Variants in PCDHGA10 observed in about 807,000 individuals in gnomAD.
PCDHGA10 encodes protocadherin gamma-A10.
Under a neutral mutation model 59.5 loss-of-function variants are expected in PCDHGA10, and 42 were observed. The ratio of observed to expected loss-of-function variants is 0.71; its 90% CI spans 0.55 to 0.91. The LOEUF (loss-of-function observed/expected upper bound fraction) is 0.91. Ranked by LOEUF, PCDHGA10 falls within the 40% of genes least tolerant of loss-of-function variation. The probability of loss-of-function intolerance (pLI) is 0.00; values close to 1 mark genes in which losing one functional copy is unlikely to be tolerated. For missense variants in PCDHGA10, 1,111 were observed against 1,198.2 expected, an observed-to-expected ratio of 0.93 and a Z score of 1.07; for synonymous variants, 511 against 517.2, an observed-to-expected ratio of 0.99 and a Z score of 0.16.
intron 1 of PCDHGA10, chr5:141,442,419 T>TG (rs1214499832): frequency 1.3e-5 from 2 of 152,192 alleles, no homozygotes; most frequent in African/African-American, 4.8e-5. Context: ...AGTGAACTTC[T>TG]TTTTTGAATC....
intron 2 of PCDHGA10, among the ~76,000 whole-genome samples, chr5:141,498,404 C>T (rs1283586713): frequency 6.6e-6 from 1 of 152,104 alleles, no homozygotes; most frequent in African/African-American, 2.4e-5. Context: ...AGGGAGTTTT[C>T]TCTTTGCTGG....
chr5:141,478,394 G>T (rs2099453142), intron 1 of PCDHGA10: 4 of 1,613,586 alleles, frequency 2.5e-6, no homozygotes, highest in Non-Finnish European at 3.4e-6. Flanking sequence ...TTACCATCAG[G>T]TGTATCTCAC....
chr5:141,415,755 T>C (rs753465209), intron 1 of PCDHGA10, 144 bp downstream of exon 1: 19 of 1,387,632 alleles, frequency 1.4e-5, no homozygotes, highest in Middle Eastern at 2.6e-4. Flanking sequence ...TTTTTTTTTT[T>C]TTTTTTTTTT....
chr5:141,486,725 C>A lies in PCDHGA10; in HGVS notation c.2437-8082C>A. 1 of 1,614,182 alleles carries A rather than the reference C, an allele frequency of 6.2e-7. No individual in the cohort carries two copies. The highest frequency in any genetic ancestry group is 1.1e-5 in the South Asian group (1 of 91,076). On this transcript the variant is annotated intron_variant, in intron 1 of 3. Transcript: ENST00000398610. The surrounding 1 kb of genome is among the most constrained non-coding windows in gnomAD (Gnocchi z 5.0). ...TCTGAACCCCCAGACAGGAGCTGTT[C>A]ATGCTACTCGATCCTTTGACTATGA...
chr5:141,472,770 G>C (rs953423129), intron 1 of PCDHGA10, among the ~76,000 whole-genome samples: 5 of 152,046 alleles, frequency 3.3e-5, no homozygotes, highest in Admixed American at 6.6e-5. Flanking sequence ...CAGATCACCT[G>C]AGGTTGGGAG....
intron 1 of PCDHGA10, among the ~76,000 whole-genome samples, chr5:141,444,152 ATTTTTTTTTTTTTTTT>A (rs747671382): frequency 6.3e-3 from 214 of 33,896 alleles, no homozygotes; most frequent in African/African-American, 0.023. Flanking sequence ...TGTGTACTGG[ATTTTTTTTTTTTTTTT>A]TTTTTTTTTT....
At chr5:141,499,287 C>T (rs896428388) in intron 2 of PCDHGA10, among the ~76,000 whole-genome samples, 3 of 152,184 alleles carry the variant, frequency 2.0e-5, no homozygotes, top group Non-Finnish European at 2.9e-5. Context: ...CTGATGGCTC[C>T]ACACTACCAT....
chr5:141,463,904 T>C (rs1289422146), intron 1 of PCDHGA10, among the ~76,000 whole-genome samples: 3 of 152,214 alleles, frequency 2.0e-5, no homozygotes, highest in African/African-American at 4.8e-5. Context: ...TTTGTACTAA[T>C]AATATATCCT....
intron 1 of PCDHGA10, chr5:141,421,290 G>C (rs2096561632): frequency 6.2e-7 from 1 of 1,613,130 alleles, no homozygotes; most frequent in African/African-American, 1.3e-5. Flanking sequence ...GCATTTTCCT[G>C]GGGACGCTGC....
chr5:141,477,191 A>C lies in PCDHGA10; in HGVS notation c.2437-17616A>C. 1 of 1,614,210 alleles carries C rather than the reference A, an allele frequency of 6.2e-7. No individual in the cohort carries two copies. The highest frequency in any genetic ancestry group is 1.1e-5 in the South Asian group (1 of 91,086). ...GGAGATCACAGTCACCTCCGTGTAC[A>C]GCCCAGTACCCGAGGATGCCCCTCT... On this transcript the variant is annotated intron_variant, in intron 1 of 3. Coordinates refer to ENST00000398610, the MANE Select transcript of PCDHGA10 (RefSeq NM_018913.3). This position sits in a 1 kb window ranked among gnomAD's most constrained non-coding sequence, Gnocchi z 4.9.
chr5:141,436,048 T>G (rs553708148), intron 1 of PCDHGA10, among the ~76,000 whole-genome samples: 1 of 152,316 alleles, frequency 6.6e-6, no homozygotes, highest in South Asian at 2.1e-4. Context: ...TACATTAGTT[T>G]TCAAATAGAA....
intron 1 of PCDHGA10, chr5:141,478,018 C>T: frequency 1.9e-6 from 3 of 1,614,124 alleles, no homozygotes; most frequent in Non-Finnish European, 2.5e-6. Context: ...CCCGTCCAGT[C>T]CAAGACACAG....
chr5:141,418,666 G>C, intron 1 of PCDHGA10: 1 of 1,614,038 alleles, frequency 6.2e-7, no homozygotes, highest in Non-Finnish European at 8.5e-7. Context: ...CCACTGACCA[G>C]GACGAGGGCA....
At chr5:141,423,409 G>T (rs1168604361) in intron 1 of PCDHGA10, 1 of 1,614,148 alleles carries the variant, frequency 6.2e-7, no homozygotes, top group South Asian at 1.1e-5. Flanking sequence ...CCTGCTGCAG[G>T]CTTCTGAAGG....
chr5:141,431,673 G>A lies in PCDHGA10; in HGVS notation c.2436+16062G>A. On this transcript the variant is annotated intron_variant, in intron 1 of 3. Coordinates refer to ENST00000398610, the MANE Select transcript of PCDHGA10 (RefSeq NM_018913.3). The surrounding 1 kb of genome is among the most constrained non-coding windows in gnomAD (Gnocchi z 4.8). ...AATTCAGGGACAATATCAACAATAG[G>A]GGAGTTGGACCACGAGGAGTCAGGA... 1 of 1,614,214 alleles carries A rather than the reference G, an allele frequency of 6.2e-7. No homozygotes were observed. The highest frequency in any genetic ancestry group is 8.5e-7 in the Non-Finnish European group (1 of 1,180,044).
In PCDHGA10 at chr5:141,491,491, G is replaced by C. The variant is rs2099717103; in HGVS notation, c.2437-3316G>C. The C allele has an allele frequency of 1.2e-6, 2 of 1,614,042 alleles. No homozygotes were observed. The highest frequency in any genetic ancestry group is 1.7e-5 in the Admixed American group (1 of 60,016). The stretch of plus-strand genomic sequence containing the variant: ...TAAGCAGTCCAGCCCCAACCTGCAG[G>C]TGAGCTCGGACGGCACGCTCAAGTA... On this transcript the variant is annotated intron_variant, in intron 1 of 3. Transcript: ENST00000398610. The surrounding 1 kb of genome is among the most constrained non-coding windows in gnomAD (Gnocchi z 6.9).
intron 1 of PCDHGA10, among the ~76,000 whole-genome samples, chr5:141,492,586 G>C (rs1451055991): frequency 6.6e-6 from 1 of 152,220 alleles, no homozygotes; most frequent in Admixed American, 6.5e-5. Context: ...GGGGCCAGGA[G>C]CGCTGGAGCG....
At chr5:141,483,640 G>T (rs1406049976) in intron 1 of PCDHGA10, among the ~76,000 whole-genome samples, 3 of 144,232 alleles carry the variant, frequency 2.1e-5, no homozygotes, top group Non-Finnish European at 4.5e-5. Flanking sequence ...GTATAGAGGG[G>T]TGTGTGTTTG....
chr5:141,508,994 A>G (rs2099873731), intron 3 of PCDHGA10, among the ~76,000 whole-genome samples: 1 of 152,052 alleles, frequency 6.6e-6, no homozygotes, highest in South Asian at 2.1e-4. Flanking sequence ...CAGCTGGGGT[A>G]GGAGAGGAGG....
Sources: allele counts gnomAD v4.1 joint callset (sites outside exome capture counted in the v4.1 genomes callset), GRCh38; gene constraint gnomAD v4.1.1; non-coding constraint Gnocchi (gnomAD v3.1); transcripts MANE v1.5; gene names NCBI Gene and HGNC (gene_info 2026-07-23, HGNC 2026-07-21).